The following PKHD1 variants were observed in gnomAD, a reference collection of about 807,000 sequenced individuals.
PKHD1 encodes the protein PKHD1 ciliary IPT domain containing fibrocystin/polyductin, also known as fibrocystin.
Under a neutral mutation model 412.0 loss-of-function variants are expected in PKHD1, and 291 were observed. The ratio of observed to expected loss-of-function variants is 0.71; its 90% CI spans 0.64 to 0.78. The LOEUF (loss-of-function observed/expected upper bound fraction) is 0.78. Ranked by LOEUF, PKHD1 falls within the 30% of genes least tolerant of loss-of-function variation. The probability of loss-of-function intolerance (pLI) is 0.00; values close to 1 mark genes in which losing one functional copy is unlikely to be tolerated. For synonymous variants in PKHD1, 1,777 were observed against 1,821.5 expected (o/e 0.98, Z 0.62); for missense variants, 4,825 against 4,950.7 (o/e 0.97, Z 0.76).
chr6:51,792,484 T>C (rs1043824708), intron 52 of PKHD1, among the ~76,000 whole-genome samples: 1 of 152,220 alleles, frequency 6.6e-6, no homozygotes, highest in Admixed American at 6.5e-5. Context: ...TCCTGCATTA[T>C]AAGAATGGCC....
chr6:51,896,160 C>A (rs1454579925), intron 43 of PKHD1, among the ~76,000 whole-genome samples: 6 of 152,162 alleles, frequency 3.9e-5, no homozygotes, highest in Non-Finnish European at 8.8e-5. Flanking sequence ...CTGGGTGGAG[C>A]CCACCACAGC....
At chr6:51,745,083 G>C (rs1785024300) in intron 59 of PKHD1, among the ~76,000 whole-genome samples, 1 of 152,006 alleles carries the variant, frequency 6.6e-6, no homozygotes, top group Non-Finnish European at 1.5e-5. Flanking sequence ...TTATAATGTT[G>C]ACTTACAGAG....
chr6:51,714,254 C>T (rs1389651968), intron 60 of PKHD1, among the ~76,000 whole-genome samples: 5 of 152,134 alleles, frequency 3.3e-5, no homozygotes, highest in African/African-American at 1.2e-4. Flanking sequence ...CCAGTAGTTC[C>T]ACCTACTCGG....
Position 51,934,285 on chromosome 6 carries a change from C to T in PKHD1, c.5946G>A (p.Glu1982=). The stretch of plus-strand genomic sequence containing the variant: ...AAACAAGGATGGCGTGTGCCCTGAG[C>T]TCGATGGGTCCTGGGGCCATGAAAA... ...KLIFMAPGPI[E]LRAHAILVSD... Residue 1982 remains glutamate (E), a synonymous_variant, in exon 37 of 67, where the codon GAG becomes GAA. Coordinates refer to ENST00000371117, the MANE Select transcript of PKHD1 (RefSeq NM_138694.4). 1 of 1,613,106 alleles carries T rather than the reference C, an allele frequency of 6.2e-7. No individual in the cohort carries two copies. The highest frequency in any genetic ancestry group is 1.3e-5 in the African/African-American group (1 of 75,002).
intron 60 of PKHD1, among the ~76,000 whole-genome samples, chr6:51,711,326 T>C (rs1397251578): frequency 6.6e-6 from 1 of 152,170 alleles, no homozygotes; most frequent in Non-Finnish European, 1.5e-5. Flanking sequence ...TGGAACCATC[T>C]CCCAAATAAA....
At chr6:52,026,937 T>C in intron 31 of PKHD1, among the ~76,000 whole-genome samples, 1 of 152,236 alleles carries the variant, frequency 6.6e-6, no homozygotes, top group Admixed American at 6.5e-5. Flanking sequence ...ATGTGCTATC[T>C]TACACATGAT....
At chr6:51,964,067 G>GA (rs1269304628) in intron 35 of PKHD1, among the ~76,000 whole-genome samples, 1 of 152,002 alleles carries the variant, frequency 6.6e-6, no homozygotes, top group Admixed American at 6.6e-5. Flanking sequence ...AAAAAAAGCA[G>GA]AAAAAAACTT....
chr6:51,704,544 C>A (rs1284078100), intron 60 of PKHD1, among the ~76,000 whole-genome samples: 1 of 152,038 alleles, frequency 6.6e-6, no homozygotes, highest in Admixed American at 6.6e-5. Flanking sequence ...CACACCAAAG[C>A]AGTAGCAAGA....
intron 65 of PKHD1, 101 bp from the exon 66 acceptor site, chr6:51,627,217 C>G: frequency 9.9e-7 from 1 of 1,011,076 alleles, no homozygotes; most frequent in Non-Finnish European, 1.6e-6. Context: ...CCAAAATTAT[C>G]ATACACATGC....
intron 36 of PKHD1, among the ~76,000 whole-genome samples, chr6:51,943,168 G>C (rs1231172601): frequency 6.6e-6 from 1 of 151,192 alleles, no homozygotes; most frequent in Non-Finnish European, 1.5e-5. Context: ...CAGGCTCTTC[G>C]TATTCAGTGA....
Position 51,626,996 on chromosome 6 carries a change from C to T in PKHD1, c.11785+1G>A. On this transcript the variant is annotated splice_donor_variant, in intron 66 of 66. Coordinates refer to ENST00000371117, the MANE Select transcript of PKHD1 (RefSeq NM_138694.4). LOFTEE classifies it high-confidence loss of function. ...GGATCATCTCCACCCTCCAAGCTTACCTTCTCCCACCACAGTGTCTTCTTT... is the reference window on the plus strand; with the variant it reads ...GGATCATCTCCACCCTCCAAGCTTATCTTCTCCCACCACAGTGTCTTCTTT... 1 of 1,613,270 alleles carries T rather than the reference C, an allele frequency of 6.2e-7. No homozygotes were observed. Among genetic ancestry groups the T allele is most frequent in the African/African-American group, 1.3e-5 (1 of 74,974 alleles).
rs1193936909 is a variant in PKHD1, at chr6:51,748,407, T to C, written c.9209A>G (p.Gln3070Arg). 2 of 1,614,068 alleles carry C rather than the reference T, an allele frequency of 1.2e-6. No homozygotes were observed. The highest frequency in any genetic ancestry group is 1.7e-6 in the Non-Finnish European group (2 of 1,179,966). The change falls in exon 58 of 67, where the codon CAG becomes CGG. Residue 3070 changes from glutamine to arginine, a missense_variant. Transcript: ENST00000371117. ...CACCCAAATGGTGGACCACGCTGGC[T>C]GTGTCATCAGAACCACAAGGTTATT... The part of the protein sequence containing the change: ...VTNNLVVLMT[Q>R]PAWSTIWVAG...
chr6:51,948,968 T>G (rs915936097), intron 36 of PKHD1, among the ~76,000 whole-genome samples: 1 of 152,122 alleles, frequency 6.6e-6, no homozygotes, highest in African/African-American at 2.4e-5. Context: ...ACAGCCAGCA[T>G]GTACAGAGTT....
chr6:51,961,818 A>C (rs1275515847), intron 35 of PKHD1, among the ~76,000 whole-genome samples: 1 of 152,128 alleles, frequency 6.6e-6, no homozygotes, highest in Non-Finnish European at 1.5e-5. Context: ...AGAAGCCCAG[A>C]GATGGAAAGG....
chr6:51,739,438 C>T (rs1005260718), intron 60 of PKHD1, among the ~76,000 whole-genome samples: 1 of 152,092 alleles, frequency 6.6e-6, no homozygotes, highest in East Asian at 1.9e-4. Context: ...ATCACATTGG[C>T]CATGCTGGTC....
intron 35 of PKHD1, among the ~76,000 whole-genome samples, chr6:51,991,434 T>C (rs915259627): frequency 2.6e-5 from 4 of 152,136 alleles, no homozygotes; most frequent in Non-Finnish European, 5.9e-5. Context: ...CCCTTAAAAT[T>C]CCCATTAGCA....
intron 28 of PKHD1, among the ~76,000 whole-genome samples, chr6:52,035,302 C>T (rs1803760877): frequency 6.6e-6 from 1 of 152,170 alleles, no homozygotes; most frequent in South Asian, 2.1e-4. Flanking sequence ...CCAGAATGTG[C>T]ACTAGCTAAA....
chr6:51,887,812 GGTATTTCTTTATAGCAATGCGAGAATGA>G (rs945929386), intron 43 of PKHD1, among the ~76,000 whole-genome samples: 2 of 152,108 alleles, frequency 1.3e-5, no homozygotes, highest in African/African-American at 4.8e-5. Context: ...CCCAGCCTCA[GGTATTTCTTTATAGCAATGCGAGAATGA>G]ACTAATAAAA....
At chr6:51,757,716 A>G (rs771766039) in intron 55 of PKHD1, among the ~76,000 whole-genome samples, 5 of 152,056 alleles carry the variant, frequency 3.3e-5, no homozygotes, top group African/African-American at 4.8e-5. Flanking sequence ...ATAAGACTAT[A>G]TAAGGCCAGG....
Sources: allele counts gnomAD v4.1 joint callset (sites outside exome capture counted in the v4.1 genomes callset), GRCh38; gene constraint gnomAD v4.1.1; transcripts MANE v1.5; gene names NCBI Gene and HGNC (gene_info 2026-07-23, HGNC 2026-07-21).